ADCYAP1R1: variants seen among roughly 807,000 people sequenced by gnomAD.
ADCYAP1R1 encodes ADCYAP receptor type I.
A neutral mutation model predicts 67.6 loss-of-function variants in ADCYAP1R1; 44 were observed. That is an observed-to-expected ratio of 0.65 (90% CI 0.51 to 0.84). The LOEUF is 0.84. Ranked by LOEUF, ADCYAP1R1 falls within the 40% of genes least tolerant of loss-of-function variation. The pLI, the probability that ADCYAP1R1 is intolerant of heterozygous loss-of-function variation, is 0.00. For synonymous variants in ADCYAP1R1, 222 were observed against 219.6 expected (o/e 1.01, Z -0.10); for missense variants, 477 against 587.9 (o/e 0.81, Z 1.95).
intron 12 of ADCYAP1R1, 60 bp downstream of exon 12, chr7:31,087,756 C>T (rs976656089): frequency 3.0e-5 from 43 of 1,411,854 alleles, no homozygotes; most frequent in East Asian, 7.0e-5. Flanking sequence ...GAAAGGCACG[C>T]GAGGAAGAGA....
At chr7:31,078,247 G>A in intron 4 of ADCYAP1R1, 149 bp downstream of exon 4, 1 of 606,198 alleles carries the variant, frequency 1.6e-6, no homozygotes, top group South Asian at 2.1e-5. Context: ...TGAAACCACA[G>A]ACACTTGCAC....
intron 3 of ADCYAP1R1, among the ~76,000 whole-genome samples, chr7:31,073,863 C>T (rs76009551): frequency 6.6e-6 from 1 of 152,254 alleles, no homozygotes; most frequent in East Asian, 1.9e-4. Context: ...CCTGAGGTCT[C>T]ATTCTAGGTT....
intron 1 of ADCYAP1R1, among the ~76,000 whole-genome samples, chr7:31,056,624 G>A (rs981455662): frequency 6.6e-6 from 1 of 152,032 alleles, no homozygotes; most frequent in Non-Finnish European, 1.5e-5. Flanking sequence ...TTCCTGCTCA[G>A]CTTAGTCCCC....
intron 6 of ADCYAP1R1, among the ~76,000 whole-genome samples, chr7:31,082,333 A>G (rs1208369166): frequency 2.0e-5 from 3 of 152,204 alleles, no homozygotes; most frequent in Non-Finnish European, 2.9e-5. Context: ...AGAGCACTCC[A>G]TCTTCCGGAG....
intron 1 of ADCYAP1R1, 127 bp from the exon 2 acceptor site, chr7:31,063,067 G>C (rs1158893695): frequency 1.6e-6 from 1 of 613,452 alleles, no homozygotes; most frequent in Non-Finnish European, 2.9e-6. Flanking sequence ...TGCAGGCAGG[G>C]AGGTGGGGTT....
At chr7:31,100,160 G>A (rs1160377792) in intron 13 of ADCYAP1R1, 1 of 1,550,500 alleles carries the variant, frequency 6.4e-7, no homozygotes, top group East Asian at 2.4e-5. Context: ...GCAAGCCACA[G>A]CGGGCTCAGC....
chr7:31,072,527 T>G (rs1428470660), intron 3 of ADCYAP1R1, among the ~76,000 whole-genome samples: 2 of 152,178 alleles, frequency 1.3e-5, no homozygotes, highest in Non-Finnish European at 2.9e-5. Context: ...TCTCCAACCC[T>G]GCTGCCATTG....
intron 5 of ADCYAP1R1, 87 bp from the exon 6 acceptor site, chr7:31,081,626 G>C: frequency 9.1e-7 from 1 of 1,099,662 alleles, no homozygotes; most frequent in Non-Finnish European, 1.3e-6. Flanking sequence ...TAGACCAGGG[G>C]TAGCCTGAGC....
chr7:31,088,308 C>T (rs769320276), intron 12 of ADCYAP1R1, among the ~76,000 whole-genome samples: 2 of 152,210 alleles, frequency 1.3e-5, no homozygotes, highest in Non-Finnish European at 2.9e-5. Flanking sequence ...ATAGTTAACA[C>T]TTCCGATGTT....
chr7:31,067,182 G>T (rs1364792864), intron 3 of ADCYAP1R1, among the ~76,000 whole-genome samples: 3 of 152,192 alleles, frequency 2.0e-5, no homozygotes, highest in Admixed American at 1.3e-4. Flanking sequence ...ACCCTGTCCA[G>T]GTGGGAGAGG....
At chr7:31,077,544 A>AATGTGTGTGTGGTGCATGTGTG (rs2128625271) in intron 3 of ADCYAP1R1, among the ~76,000 whole-genome samples, 1 of 105,014 alleles carries the variant, frequency 9.5e-6, no homozygotes, top group Non-Finnish European at 1.9e-5. Flanking sequence ...TGGTGTGTGT[A>AATGTGTGTGTGGTGCATGTGTG]ATGTGTGTGT....
intron 1 of ADCYAP1R1, among the ~76,000 whole-genome samples, chr7:31,055,243 C>T (rs1794189853): frequency 6.6e-6 from 1 of 151,700 alleles, no homozygotes; most frequent in Non-Finnish European, 1.5e-5. Flanking sequence ...TCTGGGCACA[C>T]CCGGGGACTC....
intron 1 of ADCYAP1R1, among the ~76,000 whole-genome samples, chr7:31,056,166 G>T (rs1794232528): frequency 6.6e-6 from 1 of 152,146 alleles, no homozygotes; most frequent in Admixed American, 6.5e-5. Flanking sequence ...AAGGAGAGGG[G>T]CTCCTTATCT....
chr7:31,075,448 G>C (rs1022022499), intron 3 of ADCYAP1R1, among the ~76,000 whole-genome samples: 25 of 152,044 alleles, frequency 1.6e-4, no homozygotes, highest in Non-Finnish European at 4.4e-5. Flanking sequence ...CTACTCTGCT[G>C]CCTGGCACTC....
intron 1 of ADCYAP1R1, among the ~76,000 whole-genome samples, chr7:31,062,882 A>G (rs1266507114): frequency 6.6e-6 from 1 of 152,172 alleles, no homozygotes; most frequent in African/African-American, 2.4e-5. Context: ...GAGGAGGGGG[A>G]AAATGCAAAG....
rs372587607 is a variant in ADCYAP1R1, at chr7:31,103,513, C to T, written c.1176+147C>T. The T allele has an allele frequency of 6.2e-6, 7 of 1,127,328 alleles. No homozygotes were observed. The African/African-American group carries it at 7.8e-5, about 13-fold the overall frequency. The allele number at this position is 1,127,328 out of a possible 1,614,324, so 69.8% of individuals were successfully genotyped here. On this transcript the variant is annotated intron_variant, in intron 14 of 15. Coordinates refer to ENST00000304166, the MANE Select transcript of ADCYAP1R1 (RefSeq NM_001118.5). ...GAGGGAGCCCTGTCTGCTGTCTACC[C>T]TTAGGGCTCCTGTAAGAAGACACAC...
chr7:31,094,262 G>A (rs1321017607), intron 13 of ADCYAP1R1, among the ~76,000 whole-genome samples: 1 of 152,080 alleles, frequency 6.6e-6, no homozygotes, highest in Non-Finnish European at 1.5e-5. Flanking sequence ...CTGCCCTGTG[G>A]GGTGGGGGGC....
rs1796749576 is a variant in ADCYAP1R1, at chr7:31,108,905, A to G, written c.*2221A>G. The stretch of plus-strand genomic sequence containing the variant: ...GAAGGATTAGGTCATGGACATTTGA[A>G]CAGGTGCCTTGGGCATGATGTATAG... On this transcript the variant is annotated 3_prime_UTR_variant, in exon 16 of 16. Transcript: ENST00000304166. 1 of 152,164 alleles carries G rather than the reference A, an allele frequency of 6.6e-6. No homozygotes were observed. Among genetic ancestry groups the G allele is most frequent in the Non-Finnish European group, 1.5e-5 (1 of 68,046 alleles). 9.4% of individuals were successfully genotyped at this position (152,164 alleles called of 1,614,324 possible).
intron 1 of ADCYAP1R1, chr7:31,056,808 C>G (rs1414991925): frequency 1.3e-5 from 2 of 152,346 alleles, no homozygotes; most frequent in African/African-American, 4.8e-5. Flanking sequence ...GTGGAACAAC[C>G]CTCCAGCTTC....
Sources: allele counts gnomAD v4.1 joint callset (sites outside exome capture counted in the v4.1 genomes callset), GRCh38; gene constraint gnomAD v4.1.1; transcripts MANE v1.5; gene names NCBI Gene and HGNC (gene_info 2026-07-23, HGNC 2026-07-21).